The following NIPSNAP3A variants were observed in gnomAD, a reference collection of about 807,000 sequenced individuals.
NIPSNAP3A encodes protein NipSnap homolog 3A.
In NIPSNAP3A, 27 loss-of-function variants were observed where a neutral mutation model predicts 32.3. The observed-to-expected ratio is 0.84, with a 90% CI of 0.62 to 1.15. The LOEUF (loss-of-function observed/expected upper bound fraction) is 1.15, where lower values mean the gene tolerates loss of function less well. Among genes scored for constraint, NIPSNAP3A ranks in the 50% most tolerant of loss-of-function variants. The probability of loss-of-function intolerance (pLI) is 0.00; values close to 1 mark genes in which losing one functional copy is unlikely to be tolerated. For synonymous variants in NIPSNAP3A, 108 were observed against 107.3 expected (o/e 1.01, Z -0.04); for missense variants, 278 against 297.2 (o/e 0.94, Z 0.48).
chr9:104,759,275 C>A lies in NIPSNAP3A; in HGVS notation c.681C>A (p.Val227=), dbSNP rs773922491. 24 of 1,613,958 alleles carry A rather than the reference C, an allele frequency of 1.5e-5. No homozygotes were observed. The highest frequency in any genetic ancestry group is 1.6e-5 in the Non-Finnish European group (19 of 1,180,006). Residue 227 remains valine, a synonymous_variant, in exon 6 of 6, where the codon GTC becomes GTA. Transcript: ENST00000374767. The part of the protein sequence containing the change: ...PRVVAAVRES[V]NYLVSQQNML... ...ATGTTTTTCCAGTTCGGGAAAGTGT[C>A]AACTACCTAGTATCTCAGCAGAATA...
intron 4 of NIPSNAP3A, among the ~76,000 whole-genome samples, chr9:104,756,814 CTTTTTTTTT>C (rs34247948): frequency 8.7e-6 from 1 of 114,326 alleles, no homozygotes; most frequent in Non-Finnish European, 1.8e-5. Flanking sequence ...TGTTAATATT[CTTTTTTTTT>C]TTTTTTTTTT....
chr9:104,756,011 A>G (rs1429198176), intron 4 of NIPSNAP3A, among the ~76,000 whole-genome samples: 1 of 152,188 alleles, frequency 6.6e-6, no homozygotes, highest in Admixed American at 6.5e-5. Flanking sequence ...TTGCCTTTCT[A>G]TTATCTCTTT....
chr9:104,757,027 A>G (rs921927924), intron 4 of NIPSNAP3A, among the ~76,000 whole-genome samples: 1 of 151,938 alleles, frequency 6.6e-6, no homozygotes, highest in African/African-American at 2.4e-5. Context: ...ACTCCTGACC[A>G]CAGGTGATCC....
chr9:104,751,977 C>T (rs1048288626), intron 2 of NIPSNAP3A, among the ~76,000 whole-genome samples: 2 of 151,850 alleles, frequency 1.3e-5, no homozygotes, highest in Non-Finnish European at 2.9e-5. Context: ...AGGGTTTTTC[C>T]CTGTTAATAG....
chr9:104,759,252 GT>G lies in NIPSNAP3A; in HGVS notation c.668-5del, dbSNP rs1564053741. The G allele has an allele frequency of 6.2e-7, 1 of 1,614,074 alleles. No homozygotes were observed. The highest frequency in any genetic ancestry group is 1.7e-5 in the Admixed American group (1 of 60,016). On this transcript the variant is annotated splice_polypyrimidine_tract_variant and intron_variant, in intron 5 of 5. Coordinates refer to ENST00000374767, the MANE Select transcript of NIPSNAP3A (RefSeq NM_015469.3). ...AACTCTATATGCCTTTCTATGAAAT[GT>G]TTTTCCAGTTCGGGAAAGTGTCAAC...
rs1315385452 is a variant in NIPSNAP3A, at chr9:104,751,067, A to G, written c.172A>G (p.Lys58Glu). The part of the protein sequence containing the change: ...KMNEFLENFE[K>E]NAHLRTAHSE... ...GAATGAGTTCCTGGAAAATTTTGAG[A>G]AAAACGCTCATCTTCGGACAGCTCA... The change falls in exon 2 of 6, where the codon AAA (lysine) becomes GAA (glutamate). Residue 58 changes from lysine to glutamate, a missense_variant. Physicochemically the swap from Lys to Glu is moderately conservative, Grantham distance 56. Transcript: ENST00000374767. 5.6e-6 allele frequency: 9 copies of G among 1,614,072 alleles called. No individual in the cohort carries two copies. Among genetic ancestry groups the G allele is most frequent in the East Asian group, 2.2e-5 (1 of 44,858 alleles).
At position 104,759,186 on chromosome 9, in the gene NIPSNAP3A, T is replaced by C; in HGVS notation, c.667+15T>C. ...TGTGGCAGCTGGTAAGCTGTTTGAC[T>C]AGGCATGAATTATTTTTAGAACAAA... is the stretch of plus-strand genomic sequence containing the variant. On this transcript the variant is annotated intron_variant, in intron 5 of 5. Coordinates refer to ENST00000374767, the MANE Select transcript of NIPSNAP3A (RefSeq NM_015469.3). The C allele has an allele frequency of 6.2e-7, 1 of 1,613,810 alleles. No homozygotes were observed. The highest frequency in any genetic ancestry group is 1.3e-5 in the African/African-American group (1 of 75,036).
Position 104,753,034 on chromosome 9 carries a change from T to C in NIPSNAP3A, c.400T>C (p.Trp134Arg), listed in dbSNP as rs770749114. Residue 134 changes from tryptophan to arginine, a missense_variant, in exon 3 of 6, where the codon TGG becomes CGG. Physicochemically the swap from Trp to Arg is moderately radical, Grantham distance 101. Coordinates refer to ENST00000374767, the MANE Select transcript of NIPSNAP3A (RefSeq NM_015469.3). ...GAGTGAGATTACTTATCTGGTACCA[T>C]GGTGCAAATTAGAAAAACCTCCAAA... ...QESEITYLVP[W>R]CKLEKPPKEG... is the part of the protein sequence containing the mutation. 1.2e-6 allele frequency: 2 copies of C among 1,613,404 alleles called. No homozygotes were observed. Among genetic ancestry groups the C allele is most frequent in the African/African-American group, 1.3e-5 (1 of 74,918 alleles).
At chr9:104,753,314 A>G (rs187831128) in intron 3 of NIPSNAP3A, among the ~76,000 whole-genome samples, 361 of 152,354 alleles carry the variant, frequency 2.4e-3, no homozygotes, top group African/African-American at 8.3e-3. Flanking sequence ...TGTTATAGAG[A>G]AAGCTGACAT....
At chr9:104,756,445 T>G (rs1827907234) in intron 4 of NIPSNAP3A, among the ~76,000 whole-genome samples, 2 of 151,586 alleles carry the variant, frequency 1.3e-5, no homozygotes, top group Admixed American at 6.6e-5. Flanking sequence ...AAATAAAAAT[T>G]TATGCAAAAG....
intron 1 of NIPSNAP3A, among the ~76,000 whole-genome samples, chr9:104,750,412 A>G (rs953964389): frequency 6.6e-6 from 1 of 152,230 alleles, no homozygotes; most frequent in Non-Finnish European, 1.5e-5. Context: ...TGACACCTCT[A>G]TGTAAACAAA....
intron 4 of NIPSNAP3A, among the ~76,000 whole-genome samples, chr9:104,756,094 A>G (rs575170729): frequency 6.6e-6 from 1 of 152,326 alleles, no homozygotes; most frequent in South Asian, 2.1e-4. Context: ...ATAATCTATC[A>G]TAAGAAAATA....
chr9:104,747,710 C>A lies in NIPSNAP3A; in HGVS notation c.-83C>A. 2 of 1,394,150 alleles carry A rather than the reference C, an allele frequency of 1.4e-6. No individual in the cohort carries two copies. The highest frequency in any genetic ancestry group is 2.0e-6 in the Non-Finnish European group (2 of 1,005,144). The allele number at this position is 1,394,150 out of a possible 1,614,324, so 86.4% of individuals were successfully genotyped here. A position where few individuals can be genotyped will look rare whatever the true frequency, so the allele number is the denominator to read the frequency against. Reference sequence around the variant, plus strand: ...CCTGCGTCTGCCAATGATCCAGGAGCCGCTCCTTTCCACTCGGGAAACCTT... The same window carrying A: ...CCTGCGTCTGCCAATGATCCAGGAGACGCTCCTTTCCACTCGGGAAACCTT... On this transcript the variant is annotated 5_prime_UTR_variant, in exon 1 of 6. Coordinates refer to ENST00000374767, the MANE Select transcript of NIPSNAP3A (RefSeq NM_015469.3).
At chr9:104,758,050 A>G (rs556333080) in intron 4 of NIPSNAP3A, among the ~76,000 whole-genome samples, 65 of 152,274 alleles carry the variant, frequency 4.3e-4, no homozygotes, top group Middle Eastern at 6.8e-3. Context: ...TTACAATTAT[A>G]AAAACTTCAT....
chr9:104,749,673 ATGTG>A (rs968342645), intron 1 of NIPSNAP3A, among the ~76,000 whole-genome samples: 1 of 152,006 alleles, frequency 6.6e-6, no homozygotes, highest in African/African-American at 2.4e-5. Context: ...GTGTGTGCGT[ATGTG>A]TGTGTGTATG....
chr9:104,751,055 G>T lies in NIPSNAP3A; in HGVS notation c.160G>T (p.Glu54Ter), dbSNP rs765120316. 7 of 1,613,980 alleles carry T rather than the reference G, an allele frequency of 4.3e-6. No homozygotes were observed. In the East Asian group the frequency reaches 1.6e-4, roughly 36 times the overall value. ...LKPSKMNEFL[E>*]NFEKNAHLRT... is the part of the protein sequence containing the mutation. ...GCCCTCAAAGATGAATGAGTTCCTG[G>T]AAAATTTTGAGAAAAACGCTCATCT... Residue 54 changes from glutamate (E) to a stop codon, truncating the protein, a stop_gained, in exon 2 of 6, where the codon GAA becomes TAA. Coordinates refer to ENST00000374767, the MANE Select transcript of NIPSNAP3A (RefSeq NM_015469.3). LOFTEE classifies it high-confidence loss of function.
At chr9:104,758,838 T>G (rs917351155) in intron 4 of NIPSNAP3A, among the ~76,000 whole-genome samples, 2 of 150,168 alleles carry the variant, frequency 1.3e-5, no homozygotes, top group Non-Finnish European at 3.0e-5. Context: ...GACGTGGTGG[T>G]GGGCGCCTGT....
chr9:104,753,108 A>G, intron 3 of NIPSNAP3A, 44 bp downstream of exon 3: 1 of 1,501,462 alleles, frequency 6.7e-7, no homozygotes, highest in Non-Finnish European at 9.3e-7. Context: ...TGAATAAAAT[A>G]CTAAAGAACT....
chr9:104,759,035 A>G (rs766249444), intron 4 of NIPSNAP3A, 50 bp from the exon 5 acceptor site: 1 of 1,046,632 alleles, frequency 9.6e-7, no homozygotes, highest in African/African-American at 1.7e-5. Flanking sequence ...GTTATTTCTT[A>G]TTTGTTAAGG....
Sources: gnomAD v4.1 joint callset for allele counts (sites outside exome capture counted in the v4.1 genomes callset) on GRCh38, gnomAD v4.1.1 for gene constraint, MANE v1.5 for transcripts, NCBI Gene and HGNC (gene_info 2026-07-23, HGNC 2026-07-21) for gene names.